SETD2: variants seen among roughly 807,000 people sequenced by gnomAD.
SETD2 encodes the protein histone-lysine N-methyltransferase SETD2.
In SETD2, 31 loss-of-function variants were observed where a neutral mutation model predicts 242.1. The observed-to-expected ratio is 0.13, with a 90% CI of 0.10 to 0.17. The LOEUF (loss-of-function observed/expected upper bound fraction) is 0.17. SETD2 is among the 10% of genes least tolerant of loss of function. The pLI, the probability that SETD2 is intolerant of heterozygous loss-of-function variation, is 1.00. For missense variants in SETD2, 2,481 were observed against 3,046.3 expected, an observed-to-expected ratio of 0.81 and a Z score of 4.37; for synonymous variants, 1,006 against 1,066.5, an observed-to-expected ratio of 0.94 and a Z score of 1.11.
intron 1 of SETD2, among the ~76,000 whole-genome samples, chr3:47,159,974 C>CA (rs371726989): frequency 0.023 from 2,935 of 127,044 alleles, 42 homozygotes; most frequent in Middle Eastern, 0.047. Flanking sequence ...GACTCCATTC[C>CA]AAAAAAAAAA....
At chr3:47,100,558 G>C (rs2042170154) in intron 8 of SETD2, among the ~76,000 whole-genome samples, 1 of 152,064 alleles carries the variant, frequency 6.6e-6, no homozygotes. Context: ...CCAGCCTGTA[G>C]TTTTATTTTT....
intron 1 of SETD2, among the ~76,000 whole-genome samples, chr3:47,160,709 T>C (rs1697465632): frequency 6.6e-6 from 1 of 152,200 alleles, no homozygotes; most frequent in Non-Finnish European, 1.5e-5. Context: ...GTGCCTATGT[T>C]TGGCATACAA....
chr3:47,146,930 C>T (rs2043869525), intron 1 of SETD2, among the ~76,000 whole-genome samples: 1 of 151,094 alleles, frequency 6.6e-6, no homozygotes, highest in East Asian at 1.9e-4. Flanking sequence ...AGAGTGAGAC[C>T]CTGTCTTCAA....
intron 5 of SETD2, 129 bp downstream of exon 5, chr3:47,113,747 G>C: frequency 1.3e-6 from 1 of 776,074 alleles, no homozygotes; most frequent in Non-Finnish European, 2.0e-6. Flanking sequence ...GCTAAGGCAG[G>C]AGAATTGCTT....
At chr3:47,056,181 G>A (rs111966412) in intron 15 of SETD2, among the ~76,000 whole-genome samples, 28 of 150,316 alleles carry the variant, frequency 1.9e-4, no homozygotes, top group Non-Finnish European at 3.7e-4. Context: ...CTGGGGTACA[G>A]TGACGCTATC....
rs1316582724 is a variant in SETD2 at position 47,058,454 on chromosome 3, A to AAAAAAC, written c.6294-965_6294-964insGTTTTT. On this transcript the variant is annotated intron_variant, in intron 14 of 20. Coordinates refer to ENST00000409792, the MANE Select transcript of SETD2 (RefSeq NM_014159.7). ...AGACACCGTCTCAAAAAAAAAAAAA[A>AAAAAAC]AAAAAAAAAACACAAAGAGGGAGAA... 1.9e-4 allele frequency among the ~76,000 whole-genome samples: 29 copies of AAAAAAC among 149,394 alleles called. 3 individuals carry two copies. The highest frequency in any genetic ancestry group is 6.7e-4 in the African/African-American group (27 of 40,252).
intron 1 of SETD2, among the ~76,000 whole-genome samples, chr3:47,154,400 C>A (rs909762934): frequency 4.6e-5 from 7 of 151,670 alleles, no homozygotes; most frequent in African/African-American, 1.7e-4. Flanking sequence ...GAGAGCGAGA[C>A]TCCATATCAA....
In SETD2 at chr3:47,062,191, C is replaced by T. The variant is rs183768442; in HGVS notation, c.6265G>A (p.Glu2089Lys). The T allele has an allele frequency of 1.2e-6, 2 of 1,614,020 alleles. No individual in the cohort carries two copies. Residue 2089 changes from glutamate (E) to lysine (K), a missense_variant, in exon 14 of 21, where the codon GAG becomes AAG. Physicochemically the swap from Glu to Lys is moderately conservative, Grantham distance 56. This residue lies in a region of SETD2 where 80 missense variants were observed against 102.6 expected (regional missense o/e 0.78). Transcript: ENST00000409792. ...TCATCTGGCCTTTTTGTTCCCCGCT[C>T]ATAGGCAGAAGAGGGTGGTGAGAGG... ...SSLSPPSSAY[E>K]RGTKRPDDRY...
Position 47,056,826 on chromosome 3 carries a change from C to T in SETD2, c.6958G>A (p.Val2320Ile). Residue 2320 changes from valine to isoleucine, a missense_variant, in exon 15 of 21, where the codon GTA becomes ATA. By Grantham distance (29) the Val-to-Ile change is conservative. Transcript: ENST00000409792. ...AAAGTTTCAGAATTAGTTACCTGTA[C>T]AATTGGTGGAGTTGTCTGTGAATAA... The part of the protein sequence containing the change: ...SPYSQTTPPI[V>I]QSYAQPSLQY... 3 of 1,611,672 alleles carry T rather than the reference C, an allele frequency of 1.9e-6. No homozygotes were observed. Among genetic ancestry groups the T allele is most frequent in the East Asian group, 2.2e-5 (1 of 44,816 alleles).
At chr3:47,140,160 G>A (rs147943822) in intron 1 of SETD2, among the ~76,000 whole-genome samples, 13 of 152,160 alleles carry the variant, frequency 8.5e-5, no homozygotes, top group East Asian at 5.8e-4. Context: ...GTGTCACTAC[G>A]GAATTCTAAT....
chr3:47,022,120 G>A (rs1256385657), intron 18 of SETD2, among the ~76,000 whole-genome samples: 4 of 151,758 alleles, frequency 2.6e-5, no homozygotes, highest in African/African-American at 7.3e-5. Flanking sequence ...GTTTGAACCC[G>A]GGAGAGGTGG....
intron 15 of SETD2, among the ~76,000 whole-genome samples, chr3:47,048,477 T>C (rs887555273): frequency 2.6e-5 from 4 of 152,180 alleles, no homozygotes; most frequent in African/African-American, 9.6e-5. Context: ...AGTAAGTGAG[T>C]GGTGAGTGAG....
chr3:47,136,433 A>G (rs1028820129), intron 1 of SETD2, among the ~76,000 whole-genome samples: 2 of 152,136 alleles, frequency 1.3e-5, no homozygotes, highest in Non-Finnish European at 2.9e-5. Context: ...CTTCTCGATA[A>G]TAAAATGACA....
Position 47,124,267 on chromosome 3 carries a change from G to A in SETD2, c.369C>T (p.Thr123=), listed in dbSNP as rs2043236393. Residue 123 remains threonine (T), a synonymous_variant, in exon 3 of 21, where the codon ACC becomes ACT. Coordinates refer to ENST00000409792, the MANE Select transcript of SETD2 (RefSeq NM_014159.7). ...TPKMKMEIGD[T]LSTAEESSPP... ...GGGAAGATTCTTCTGCAGTAGATAAGGTATCACCAATTTCCATTTTCATTT... is the reference window on the plus strand; with the variant it reads ...GGGAAGATTCTTCTGCAGTAGATAAAGTATCACCAATTTCCATTTTCATTT... 1 of 1,551,604 alleles carries A rather than the reference G, an allele frequency of 6.4e-7. No homozygotes were observed. The highest frequency in any genetic ancestry group is 8.7e-7 in the Non-Finnish European group (1 of 1,147,000).
At chr3:47,131,950 G>T (rs1408535747) in intron 1 of SETD2, among the ~76,000 whole-genome samples, 1 of 150,648 alleles carries the variant, frequency 6.6e-6, no homozygotes, top group Non-Finnish European at 1.5e-5. Flanking sequence ...GCTAATTTTT[G>T]TATTTTTAGT....
intron 12 of SETD2, among the ~76,000 whole-genome samples, chr3:47,068,547 G>T (rs572027889): frequency 6.9e-6 from 1 of 145,736 alleles, no homozygotes; most frequent in African/African-American, 2.6e-5. Context: ...TCCAGGCTGG[G>T]GTAAAGCGGC....
intron 1 of SETD2, among the ~76,000 whole-genome samples, chr3:47,130,121 C>T (rs545759349): frequency 2.0e-5 from 3 of 152,142 alleles, no homozygotes; most frequent in Non-Finnish European, 4.4e-5. Context: ...TCAGAGGTAA[C>T]AGCTAGTGAA....
intron 1 of SETD2, among the ~76,000 whole-genome samples, chr3:47,139,421 G>T (rs1320785103): frequency 6.6e-6 from 1 of 152,108 alleles, no homozygotes; most frequent in South Asian, 2.1e-4. Context: ...GCCTTGACTT[G>T]CATTTATTGT....
In SETD2 at chr3:47,121,401, G is replaced by A. The variant is rs2106648896; in HGVS notation, c.3235C>T (p.Pro1079Ser). 6.2e-7 allele frequency: 1 copy of A among 1,610,074 alleles called. No homozygotes were observed. The highest frequency in any genetic ancestry group is 8.5e-7 in the Non-Finnish European group (1 of 1,179,970). The change falls in exon 3 of 21, where the codon CCC (proline) becomes TCC (serine). Residue 1079 changes from proline to serine, a missense_variant. By Grantham distance (74) the Pro-to-Ser change is moderately conservative. This residue lies in a region of SETD2 where 1,300 missense variants were observed against 1,259.2 expected (regional missense o/e 1.03). Transcript: ENST00000409792. ...GAACAAGGACTTGTTTCTTCCATGGGCAAAGTAGAATTCTTTGGCACAACC... is the reference window on the plus strand; with the variant it reads ...GAACAAGGACTTGTTTCTTCCATGGACAAAGTAGAATTCTTTGGCACAACC... ...VVVVPKNSTL[P>S]MEETSPCSSR... is the part of the protein sequence containing the mutation.
Sources: gnomAD v4.1 joint callset for allele counts (sites outside exome capture counted in the v4.1 genomes callset) on GRCh38, gnomAD v4.1.1 for gene constraint, gnomAD v4.1.1 regional missense constraint, MANE v1.5 for transcripts, NCBI Gene and HGNC (gene_info 2026-07-23, HGNC 2026-07-21) for gene names.